The following GRIK4 variants were observed in gnomAD, a reference collection of about 807,000 sequenced individuals.
GRIK4 encodes the protein glutamate receptor ionotropic, kainate 4.
GRIK4 carries 40 observed loss-of-function variants against 104.9 expected under a neutral mutation model. The observed-to-expected ratio is 0.38, with a 90% CI of 0.30 to 0.50. The LOEUF is 0.50. Ranked by LOEUF, GRIK4 falls within the 20% of genes least tolerant of loss-of-function variation. The pLI is 0.93. For missense variants in GRIK4, 1,047 were observed against 1,308.1 expected, an observed-to-expected ratio of 0.80 and a Z score of 3.08; for synonymous variants, 485 against 524.9, an observed-to-expected ratio of 0.92 and a Z score of 1.04.
intron 1 of GRIK4, among the ~76,000 whole-genome samples, chr11:120,615,006 A>C (rs1949091053): frequency 2.0e-5 from 3 of 151,750 alleles, no homozygotes; most frequent in Non-Finnish European, 4.4e-5. Context: ...CTCAAAACAA[A>C]ACAAAACAAA....
rs139521436 is a variant in GRIK4 at position 120,947,685 on chromosome 11, T to G, written c.1591-5170T>G. On this transcript the variant is annotated intron_variant, in intron 14 of 20. Coordinates refer to ENST00000527524, the MANE Select transcript of GRIK4 (RefSeq NM_014619.5). ...TCCCTGAATGTATAATAATATTGGT[T>G]ATTTATTGAGTGCCTCTCTCTGAAG... 1.3e-3 allele frequency among the ~76,000 whole-genome samples: 197 copies of G among 152,296 alleles called. 2 individuals are homozygous for G. The highest frequency in any genetic ancestry group is 4.5e-3 in the African/African-American group (187 of 41,558).
intron 1 of GRIK4, among the ~76,000 whole-genome samples, chr11:120,532,291 A>AC (rs748303486): frequency 6.1e-4 from 92 of 151,800 alleles, no homozygotes; most frequent in Non-Finnish European, 6.8e-4. Context: ...TGTGGGCCCT[A>AC]CCCCGCCCCC....
chr11:120,636,465 G>A (rs1245790167), intron 1 of GRIK4, among the ~76,000 whole-genome samples: 1 of 152,224 alleles, frequency 6.6e-6, no homozygotes, highest in African/African-American at 2.4e-5. Flanking sequence ...TTTGCCCAGG[G>A]CTTCTCTTGA....
intron 11 of GRIK4, among the ~76,000 whole-genome samples, chr11:120,882,570 C>T (rs1351673684): frequency 6.6e-6 from 1 of 152,138 alleles, no homozygotes; most frequent in African/African-American, 2.4e-5. Flanking sequence ...AGATGGGTGG[C>T]TGGGGGGCTG....
chr11:120,837,109 C>T (rs777911837), intron 8 of GRIK4, among the ~76,000 whole-genome samples: 2 of 152,184 alleles, frequency 1.3e-5, no homozygotes, highest in South Asian at 2.1e-4. Context: ...GTGTGATGGA[C>T]GAGCCTCCTC....
intron 1 of GRIK4, among the ~76,000 whole-genome samples, chr11:120,554,199 AC>A (rs1204808440): frequency 6.6e-6 from 1 of 152,202 alleles, no homozygotes. Flanking sequence ...CCCAAATGGG[AC>A]CAGCAAAAAT....
chr11:120,760,067 C>A (rs151277020), intron 3 of GRIK4, among the ~76,000 whole-genome samples: 1 of 151,790 alleles, frequency 6.6e-6, no homozygotes, highest in African/African-American at 2.4e-5. Context: ...TCACATTGTA[C>A]GTTAGGTCTC....
Position 120,986,235 on chromosome 11 carries a change from C to T in GRIK4, c.2846C>T (p.Thr949Ile), listed in dbSNP as rs781102234. Reference sequence around the variant, plus strand: ...GAGGAGAGCCTGGAGTGGGAGAAAACCACCAACAGCAGCGAGCCCGAGTAG... The same window carrying T: ...GAGGAGAGCCTGGAGTGGGAGAAAATCACCAACAGCAGCGAGCCCGAGTAG... ...RSEESLEWEKTTNSSEPE is the reference protein window; with the variant it reads ...RSEESLEWEKITNSSEPE Residue 949 changes from threonine to isoleucine, a missense_variant, in exon 21 of 21, where the codon ACC becomes ATC. Thr to Ile is a moderately conservative substitution (Grantham distance 89). Coordinates refer to ENST00000527524, the MANE Select transcript of GRIK4 (RefSeq NM_014619.5). 3 of 1,571,248 alleles carry T rather than the reference C, an allele frequency of 1.9e-6. No individual in the cohort carries two copies. The Admixed American group carries it at 5.2e-5, about 27-fold the overall frequency.
chr11:120,530,253 T>G (rs1947909633), intron 1 of GRIK4, among the ~76,000 whole-genome samples: 1 of 152,188 alleles, frequency 6.6e-6, no homozygotes, highest in African/African-American at 2.4e-5. Context: ...AAAATTTGAG[T>G]TTAAAAAATA....
chr11:120,570,364 C>CT (rs1223887757), intron 1 of GRIK4, among the ~76,000 whole-genome samples: 3 of 152,148 alleles, frequency 2.0e-5, no homozygotes, highest in Admixed American at 1.3e-4. Flanking sequence ...TGTTTAGCTG[C>CT]TTTTTTCTGA....
chr11:120,839,604 T>C (rs1406941837), intron 8 of GRIK4, among the ~76,000 whole-genome samples: 1 of 152,232 alleles, frequency 6.6e-6, no homozygotes, highest in Non-Finnish European at 1.5e-5. Flanking sequence ...CAGCCATGCA[T>C]GACCTGTGAA....
rs542842101 is a variant in GRIK4, at chr11:120,740,154, C to T, written c.83-62539C>T. Among the ~76,000 whole-genome samples, 21 of 151,194 alleles carry T rather than the reference C, an allele frequency of 1.4e-4. No individual in the cohort carries two copies. In the East Asian group the frequency reaches 4.1e-3, roughly 30 times the overall value. On this transcript the variant is annotated intron_variant, in intron 3 of 20. Coordinates refer to ENST00000527524, the MANE Select transcript of GRIK4 (RefSeq NM_014619.5). Reference sequence around the variant, plus strand: ...ATAGGTGTAGATTGACTCTCCTTCCCTTCTGAGCCTACTCTCCACTTCAAG... The same window carrying T: ...ATAGGTGTAGATTGACTCTCCTTCCTTTCTGAGCCTACTCTCCACTTCAAG...
intron 1 of GRIK4, chr11:120,576,616 A>G (rs918410524): frequency 2.0e-5 from 3 of 152,430 alleles, no homozygotes; most frequent in Admixed American, 1.3e-4. Flanking sequence ...TCAGCCAAGA[A>G]TGTGTAGTGT....
chr11:120,981,082 T>C (rs771482455), intron 19 of GRIK4, among the ~76,000 whole-genome samples: 9 of 152,168 alleles, frequency 5.9e-5, no homozygotes, highest in Non-Finnish European at 1.3e-4. Flanking sequence ...GTGCAAGCAT[T>C]CCTGAAAAAC....
intron 1 of GRIK4, among the ~76,000 whole-genome samples, chr11:120,579,316 A>G (rs1264268506): frequency 6.6e-6 from 1 of 151,980 alleles, no homozygotes; most frequent in African/African-American, 2.4e-5. Flanking sequence ...GACCACACTT[A>G]TATCAGCCCC....
intron 20 of GRIK4, among the ~76,000 whole-genome samples, chr11:120,984,381 G>A (rs1437254841): frequency 6.6e-6 from 1 of 152,176 alleles, no homozygotes; most frequent in East Asian, 1.9e-4. Flanking sequence ...TTCAGAGTCA[G>A]CTATTAGTCA....
chr11:120,815,331 C>T lies in GRIK4; in HGVS notation c.248-47C>T, dbSNP rs928586834. On this transcript the variant is annotated intron_variant, in intron 4 of 20. Transcript: ENST00000527524. ...GGACTGGGCCATGGCGCAAGCCCGA[C>T]CTGATGAGTGCTTTGCTTCTTTCCC... 6 of 1,142,486 alleles carry T rather than the reference C, an allele frequency of 5.3e-6. No individual in the cohort carries two copies. The African/African-American group carries it at 6.1e-5, about 12-fold the overall frequency. 70.8% of individuals were successfully genotyped at this position (1,142,486 alleles called of 1,614,324 possible). A position where few individuals can be genotyped will look rare whatever the true frequency, so the allele number is the denominator to read the frequency against.
At chr11:120,520,280 C>T (rs920819971) in intron 1 of GRIK4, among the ~76,000 whole-genome samples, 1 of 152,244 alleles carries the variant, frequency 6.6e-6, no homozygotes, top group African/African-American at 2.4e-5. Flanking sequence ...CCTCAAGCCC[C>T]AGTCCCAGCC....
At chr11:120,738,929 C>A (rs535970767) in intron 3 of GRIK4, among the ~76,000 whole-genome samples, 2 of 152,176 alleles carry the variant, frequency 1.3e-5, no homozygotes, top group African/African-American at 4.8e-5. Flanking sequence ...CGGTAGGGAG[C>A]GGACTCTGGC....
Sources: gnomAD v4.1 joint callset for allele counts (sites outside exome capture counted in the v4.1 genomes callset) on GRCh38, gnomAD v4.1.1 for gene constraint, MANE v1.5 for transcripts, NCBI Gene and HGNC (gene_info 2026-07-23, HGNC 2026-07-21) for gene names.